The following PCDHGB4 variants were observed in gnomAD, a reference collection of about 807,000 sequenced individuals.
PCDHGB4 encodes protocadherin gamma-B4.
A neutral mutation model predicts 60.5 loss-of-function variants in PCDHGB4; 38 were observed. That is an observed-to-expected ratio of 0.63 (90% CI 0.48 to 0.82). The LOEUF is 0.82. Among genes scored for constraint, PCDHGB4 ranks in the 40% least tolerant of loss-of-function variants. PCDHGB4 has a pLI of 0.00. For missense variants in PCDHGB4, 1,109 were observed against 1,209.6 expected (o/e 0.92, Z 1.23); for synonymous variants, 456 against 509.7 (o/e 0.89, Z 1.42).
chr5:141,446,936 C>G (rs935365668), intron 1 of PCDHGB4, among the ~76,000 whole-genome samples: 3 of 152,176 alleles, frequency 2.0e-5, no homozygotes, highest in African/African-American at 7.2e-5. Context: ...CTCTTTTTCA[C>G]TGTAAGAAAC....
chr5:141,448,720 C>T (rs545687728), intron 1 of PCDHGB4, among the ~76,000 whole-genome samples: 24 of 152,030 alleles, frequency 1.6e-4, no homozygotes, highest in African/African-American at 5.8e-4. Flanking sequence ...GCGGGAGGAT[C>T]ACGAGGTCAG....
intron 1 of PCDHGB4, chr5:141,409,594 C>A: frequency 1.2e-6 from 2 of 1,613,900 alleles, no homozygotes; most frequent in Non-Finnish European, 1.7e-6. Flanking sequence ...TGGCCGAGAA[C>A]AACCCGCCAG....
chr5:141,494,729 C>T (rs2099756368), intron 1 of PCDHGB4, 78 bp from the exon 2 acceptor site: 31 of 1,610,050 alleles, frequency 1.9e-5, no homozygotes, highest in Admixed American at 3.3e-5. Flanking sequence ...CCTTCTCTCC[C>T]GGCCCATCCC....
intron 1 of PCDHGB4, among the ~76,000 whole-genome samples, chr5:141,469,206 A>T (rs752389937): frequency 6.6e-6 from 1 of 150,920 alleles, no homozygotes; most frequent in African/African-American, 2.4e-5. Flanking sequence ...AGCCTTTTGA[A>T]GTTGAGGCTT....
At chr5:141,475,282 G>C (rs942761003) in intron 1 of PCDHGB4, among the ~76,000 whole-genome samples, 2 of 152,150 alleles carry the variant, frequency 1.3e-5, no homozygotes, top group African/African-American at 4.8e-5. Context: ...TGAAAGACAG[G>C]GTAGGGAAAT....
chr5:141,388,960 A>C lies in PCDHGB4; in HGVS notation c.1076A>C (p.Glu359Ala). Residue 359 changes from glutamate to alanine, a missense_variant, in exon 1 of 4, where the codon GAG becomes GCG. This residue lies in a region of PCDHGB4 where 1,068 missense variants were observed against 1,089.9 expected (regional missense o/e 0.98). Coordinates refer to ENST00000519479, the MANE Select transcript of PCDHGB4 (RefSeq NM_003736.4). ...SLPNLIMEDA[E>A]LGTHIALLKV... ...CCCAACCTAATTATGGAGGACGCCGAGCTGGGAACACATATTGCTTTGCTC... is the reference window on the plus strand; with the variant it reads ...CCCAACCTAATTATGGAGGACGCCGCGCTGGGAACACATATTGCTTTGCTC... The C allele has an allele frequency of 1.2e-6, 2 of 1,614,038 alleles. No individual in the cohort carries two copies. Among genetic ancestry groups the C allele is most frequent in the Non-Finnish European group, 1.7e-6 (2 of 1,179,892 alleles).
chr5:141,421,280 G>T (rs564480755), intron 1 of PCDHGB4: 1 of 1,612,948 alleles, frequency 6.2e-7, no homozygotes, highest in African/African-American at 1.3e-5. Context: ...CTGCTGCTGT[G>T]CATTTTCCTG....
At position 141,491,290 on chromosome 5, in the gene PCDHGB4, C is replaced by T. The variant is rs747758229; in HGVS notation, c.2398-3517C>T. Reference sequence around the variant, plus strand: ...CAAATCCAGTGACTTCCTCATACACCCTCCTGAGCGTTCAGACCTTACCCT... The same window carrying T: ...CAAATCCAGTGACTTCCTCATACACTCTCCTGAGCGTTCAGACCTTACCCT... On this transcript the variant is annotated intron_variant, in intron 1 of 3. Coordinates refer to ENST00000519479, the MANE Select transcript of PCDHGB4 (RefSeq NM_003736.4). The surrounding 1 kb of genome is among the most constrained non-coding windows in gnomAD (Gnocchi z 6.9). 6.2e-7 allele frequency: 1 copy of T among 1,613,974 alleles called. No homozygotes were observed. Among genetic ancestry groups the T allele is most frequent in the Non-Finnish European group, 8.5e-7 (1 of 1,179,952 alleles).
chr5:141,443,999 T>C (rs2098413024), intron 1 of PCDHGB4, among the ~76,000 whole-genome samples: 1 of 152,136 alleles, frequency 6.6e-6, no homozygotes, highest in Non-Finnish European at 1.5e-5. Context: ...TTTTAAATGC[T>C]ACCTGGGTAT....
chr5:141,439,212 T>G (rs1391791892), intron 1 of PCDHGB4, among the ~76,000 whole-genome samples: 1 of 150,642 alleles, frequency 6.6e-6, no homozygotes, highest in Non-Finnish European at 1.5e-5. Context: ...AAAATCCATA[T>G]GTGAAAATTC....
intron 1 of PCDHGB4, among the ~76,000 whole-genome samples, chr5:141,445,429 C>G (rs974775529): frequency 2.6e-5 from 4 of 152,200 alleles, no homozygotes; most frequent in Non-Finnish European, 5.9e-5. Flanking sequence ...ATGCAAGGCA[C>G]TGACCTATGG....
At chr5:141,469,929 G>C (rs1208858245) in intron 1 of PCDHGB4, among the ~76,000 whole-genome samples, 1 of 152,168 alleles carries the variant, frequency 6.6e-6, no homozygotes, top group Non-Finnish European at 1.5e-5. Context: ...TCAGGAGTTT[G>C]AGACCAGCCT....
Position 141,476,447 on chromosome 5 carries a change from G to A in PCDHGB4, c.2398-18360G>A. 2 of 1,614,130 alleles carry A rather than the reference G, an allele frequency of 1.2e-6. No homozygotes were observed. The highest frequency in any genetic ancestry group is 1.7e-6 in the Non-Finnish European group (2 of 1,180,026). On this transcript the variant is annotated intron_variant, in intron 1 of 3. Transcript: ENST00000519479. This position sits in a 1 kb window ranked among gnomAD's most constrained non-coding sequence, Gnocchi z 7.6. ...CTCTTGCACTGTAACTCTGGAGTTGGTAGTGGAGAACCCGCTGGAGCTGTT... is the reference window on the plus strand; with the variant it reads ...CTCTTGCACTGTAACTCTGGAGTTGATAGTGGAGAACCCGCTGGAGCTGTT...
chr5:141,447,516 A>G (rs997127013), intron 1 of PCDHGB4, among the ~76,000 whole-genome samples: 1 of 152,220 alleles, frequency 6.6e-6, no homozygotes, highest in African/African-American at 2.4e-5. Flanking sequence ...ATGCATAACA[A>G]TCATAACAAA....
intron 2 of PCDHGB4, among the ~76,000 whole-genome samples, chr5:141,495,452 C>G (rs543717781): frequency 1.3e-5 from 2 of 152,356 alleles, no homozygotes; most frequent in South Asian, 2.1e-4. Context: ...TTGTCCTGCT[C>G]TCTGTCTGTG....
At chr5:141,417,832 G>C in intron 1 of PCDHGB4, 1 of 1,528,846 alleles carries the variant, frequency 6.5e-7, no homozygotes. Flanking sequence ...CTGGAAAAGC[G>C]GGGACCCAGC....
At chr5:141,466,146 T>C (rs977109086) in intron 1 of PCDHGB4, among the ~76,000 whole-genome samples, 5 of 151,880 alleles carry the variant, frequency 3.3e-5, no homozygotes, top group Non-Finnish European at 7.4e-5. Context: ...GTGAAAACTC[T>C]GGTCTTAAAC....
At chr5:141,408,747 T>C (rs1589683971) in intron 1 of PCDHGB4, 1 of 1,609,868 alleles carries the variant, frequency 6.2e-7, no homozygotes, top group Non-Finnish European at 8.5e-7. Flanking sequence ...TCATTAATGG[T>C]TAGAGTTAAT....
chr5:141,485,689 G>A lies in PCDHGB4; in HGVS notation c.2398-9118G>A. On this transcript the variant is annotated intron_variant, in intron 1 of 3. Transcript: ENST00000519479. This position sits in a 1 kb window ranked among gnomAD's most constrained non-coding sequence, Gnocchi z 5.7. ...GCAATTCGATTAGCAGCTATAGGCT[G>A]AGCTCCAATGAACACTTTGCACTGG... The A allele has an allele frequency of 6.2e-7, 1 of 1,614,086 alleles. No individual in the cohort carries two copies. The highest frequency in any genetic ancestry group is 8.5e-7 in the Non-Finnish European group (1 of 1,179,970).
Sources: gnomAD v4.1 joint callset for allele counts (sites outside exome capture counted in the v4.1 genomes callset) on GRCh38, gnomAD v4.1.1 for gene constraint, gnomAD v4.1.1 regional missense constraint, Gnocchi (gnomAD v3.1) non-coding constraint, MANE v1.5 for transcripts, NCBI Gene and HGNC (gene_info 2026-07-23, HGNC 2026-07-21) for gene names.